LRPAP1: variants seen among roughly 807,000 people sequenced by gnomAD.
The protein encoded by LRPAP1 is LDL receptor related protein associated protein 1.
A neutral mutation model predicts 39.9 loss-of-function variants in LRPAP1; 41 were observed. That is an observed-to-expected ratio of 1.03 (90% CI 0.80 to 1.33). LRPAP1 has a LOEUF of 1.33. LRPAP1 is among the 40% of genes most tolerant of loss of function. The pLI, the probability that LRPAP1 is intolerant of heterozygous loss-of-function variation, is 0.00. For synonymous variants in LRPAP1, 263 were observed against 212.7 expected, an observed-to-expected ratio of 1.24 and a Z score of -2.06; for missense variants, 565 against 482.3, an observed-to-expected ratio of 1.17 and a Z score of -1.61.
rs78267021 is a variant in LRPAP1 at position 3,522,622 on chromosome 4, G to A, written c.349+2285C>T. 9.0e-4 allele frequency among the ~76,000 whole-genome samples: 69 copies of A among 77,078 alleles called. 17 individuals are homozygous for A. The highest frequency in any genetic ancestry group is 6.8e-3 in the Middle Eastern group (1 of 148). 50.6% of individuals were successfully genotyped at this position (77,078 alleles called of 152,430 possible). A position where few individuals can be genotyped will look rare whatever the true frequency, so the allele number is the denominator to read the frequency against. ...CCGCCCCACACCCCCTGCCTGGGGA[G>A]GACAGACGCCGCCCCACACCCCCTG... On this transcript the variant is annotated intron_variant, in intron 2 of 7. Transcript: ENST00000650182.
In LRPAP1 at chr4:3,504,669, G is replaced by A. The variant is rs1264110177; in HGVS notation, c.*8305C>T. ...CGAGGCTGAGGCAGGAGAATTTCTTGAACCCAGGAGGTGGAGGTTGCAGTG... is the reference window on the plus strand; with the variant it reads ...CGAGGCTGAGGCAGGAGAATTTCTTAAACCCAGGAGGTGGAGGTTGCAGTG... On this transcript the variant is annotated 3_prime_UTR_variant, in exon 8 of 8. Transcript: ENST00000650182. 6.9e-6 allele frequency among the ~76,000 whole-genome samples: 1 copy of A among 145,690 alleles called. No individual in the cohort carries two copies. Among genetic ancestry groups the A allele is most frequent in the African/African-American group, 2.5e-5 (1 of 39,708 alleles).
rs1729492282 is a variant in LRPAP1, at chr4:3,511,076, G to A, written c.*1898C>T. 1 of 152,318 alleles carries A rather than the reference G, an allele frequency of 6.6e-6. No individual in the cohort carries two copies. Among genetic ancestry groups the A allele is most frequent in the African/African-American group, 2.4e-5 (1 of 41,460 alleles). The allele number at this position is 152,318 out of a possible 1,614,324, so 9.4% of individuals were successfully genotyped here. On this transcript the variant is annotated 3_prime_UTR_variant, in exon 8 of 8. Coordinates refer to ENST00000650182, the MANE Select transcript of LRPAP1 (RefSeq NM_002337.4). Reference sequence around the variant, plus strand: ...GACACCACAAAACGCCAGCCAGGCTGTCCATAATTAAAAATACCGAGCACC... The same window carrying A: ...GACACCACAAAACGCCAGCCAGGCTATCCATAATTAAAAATACCGAGCACC...
At position 3,511,880 on chromosome 4, in the gene LRPAP1, G is replaced by T. The variant is rs925917782; in HGVS notation, c.*1094C>A. Reference sequence around the variant, plus strand: ...GAGCCTCTTCCAGGCTCAGACACGGGAAGGGAACCACGCTCGGAGCCGGAC... The same window carrying T: ...GAGCCTCTTCCAGGCTCAGACACGGTAAGGGAACCACGCTCGGAGCCGGAC... On this transcript the variant is annotated 3_prime_UTR_variant, in exon 8 of 8. Transcript: ENST00000650182. 1 of 131,942 alleles carries T rather than the reference G, an allele frequency of 7.6e-6. No homozygotes were observed. Among genetic ancestry groups the T allele is most frequent in the East Asian group, 2.2e-4 (1 of 4,496 alleles). The allele number at this position is 131,942 out of a possible 1,614,324, so 8.2% of individuals were successfully genotyped here. A position where few individuals can be genotyped will look rare whatever the true frequency, so the allele number is the denominator to read the frequency against.
rs561766057 is a variant in LRPAP1, at chr4:3,523,317, C to A, written c.349+1590G>T. On this transcript the variant is annotated intron_variant, in intron 2 of 7. Coordinates refer to ENST00000650182, the MANE Select transcript of LRPAP1 (RefSeq NM_002337.4). ...GCCCTTGGGAATGGCCCACTAGACACGCTGGTGGGGACGCAACCATCCAGA... is the reference window on the plus strand; with the variant it reads ...GCCCTTGGGAATGGCCCACTAGACAAGCTGGTGGGGACGCAACCATCCAGA... 5.4e-4 allele frequency among the ~76,000 whole-genome samples: 83 copies of A among 152,322 alleles called. 3 individuals carry two copies. The highest frequency in any genetic ancestry group is 3.4e-3 in the Middle Eastern group (1 of 294).
At chr4:3,522,203 G>A (rs1232791519) in intron 2 of LRPAP1, among the ~76,000 whole-genome samples, 2 of 152,344 alleles carry the variant, frequency 1.3e-5, no homozygotes, top group East Asian at 1.9e-4. Flanking sequence ...CCCTGAGCCC[G>A]AGAGGAGGAG....
chr4:3,529,852 C>T (rs896770351), intron 1 of LRPAP1, among the ~76,000 whole-genome samples: 13 of 152,330 alleles, frequency 8.5e-5, no homozygotes, highest in African/African-American at 2.4e-4. Flanking sequence ...CAGGATGTGG[C>T]TTTACATGCA....
At chr4:3,519,797 G>A (rs907092643) in intron 3 of LRPAP1, among the ~76,000 whole-genome samples, 2 of 152,214 alleles carry the variant, frequency 1.3e-5, no homozygotes, top group Non-Finnish European at 2.9e-5. Flanking sequence ...TCACCATCCC[G>A]TAACCACACG....
At chr4:3,531,880 G>C in intron 1 of LRPAP1, 1 of 398,380 alleles carries the variant, frequency 2.5e-6, no homozygotes, top group South Asian at 4.1e-5. Flanking sequence ...AGGCTCGGGA[G>C]GCAGGAGACC....
chr4:3,521,265 C>T (rs374936175), intron 2 of LRPAP1, among the ~76,000 whole-genome samples: 2 of 152,206 alleles, frequency 1.3e-5, no homozygotes, highest in East Asian at 1.9e-4. Context: ...GAGAGGGCCC[C>T]GAGTAGGCCT....
chr4:3,522,107 G>A (rs1008356454), intron 2 of LRPAP1, among the ~76,000 whole-genome samples: 1 of 152,264 alleles, frequency 6.6e-6, no homozygotes, highest in African/African-American at 2.4e-5. Flanking sequence ...GCCAGTGCCA[G>A]GCCTGCCTGT....
rs768968055 is a variant in LRPAP1 at position 3,518,178 on chromosome 4, C to T, written c.607G>A (p.Val203Ile). Residue 203 changes from valine to isoleucine, a missense_variant, in exon 5 of 8, where the codon GTC (valine) becomes ATC (isoleucine). Coordinates refer to ENST00000650182, the MANE Select transcript of LRPAP1 (RefSeq NM_002337.4). ...LSRTEEIHEN[V>I]ISPSDLSDIK... ...TCGCTCAGGTCCGAGGGGCTAATGA[C>T]GTTCTCGTGGATTTCTGTAAAACCG... 1.7e-5 allele frequency: 27 copies of T among 1,610,906 alleles called. 1 individual carries two copies. In the South Asian group the frequency reaches 2.2e-4, roughly 13 times the overall value.
In LRPAP1 at chr4:3,518,189, A is replaced by G; in HGVS notation, c.596T>C (p.Ile199Thr). 1 of 1,609,648 alleles carries G rather than the reference A, an allele frequency of 6.2e-7. No homozygotes were observed. Among genetic ancestry groups the G allele is most frequent in the South Asian group, 1.1e-5 (1 of 90,840 alleles). The change falls in exon 5 of 8, where the codon ATC becomes ACC. Residue 199 changes from isoleucine (I) to threonine (T), a missense_variant. Coordinates refer to ENST00000650182, the MANE Select transcript of LRPAP1 (RefSeq NM_002337.4). ...CGAGGGGCTAATGACGTTCTCGTGG[A>G]TTTCTGTAAAACCGAAGGCAGGACG... The part of the protein sequence containing the change: ...LLETLSRTEE[I>T]HENVISPSDL...
chr4:3,513,287 G>A (rs1435426580), intron 7 of LRPAP1, among the ~76,000 whole-genome samples: 2 of 152,142 alleles, frequency 1.3e-5, no homozygotes, highest in African/African-American at 2.4e-5. Flanking sequence ...GAAAGCTCAG[G>A]GTCTCTGTGA....
At chr4:3,523,922 GT>G (rs1224697857) in intron 2 of LRPAP1, among the ~76,000 whole-genome samples, 1 of 152,102 alleles carries the variant, frequency 6.6e-6, no homozygotes. Flanking sequence ...GGAAACGGAG[GT>G]GGGGGGCAGG....
intron 2 of LRPAP1, among the ~76,000 whole-genome samples, chr4:3,523,180 C>A (rs1729971139): frequency 6.6e-6 from 1 of 152,152 alleles, no homozygotes; most frequent in Non-Finnish European, 1.5e-5. Flanking sequence ...GGTTCTTAGC[C>A]CACTTCTGTG....
chr4:3,519,744 A>G (rs1341192717), intron 3 of LRPAP1, among the ~76,000 whole-genome samples: 3 of 152,204 alleles, frequency 2.0e-5, no homozygotes, highest in African/African-American at 4.8e-5. Flanking sequence ...CACTCACTAC[A>G]TTAAAAATCC....
chr4:3,529,330 A>C (rs541452616), intron 1 of LRPAP1, among the ~76,000 whole-genome samples: 20 of 151,224 alleles, frequency 1.3e-4, no homozygotes, highest in South Asian at 4.1e-4. Context: ...CTCAAAAAAA[A>C]CAAAAAAACA....
At chr4:3,513,572 G>A (rs1475987682) in intron 7 of LRPAP1, among the ~76,000 whole-genome samples, 1 of 152,156 alleles carries the variant, frequency 6.6e-6, no homozygotes, top group Non-Finnish European at 1.5e-5. Context: ...GCCTCCCAAA[G>A]TGCTGGGATT....
rs73080991 is a variant in LRPAP1, at chr4:3,505,394, A to T, written c.*7580T>A. Among the ~76,000 whole-genome samples, 37 of 152,352 alleles carry T rather than the reference A, an allele frequency of 2.4e-4. No homozygotes were observed. The highest frequency in any genetic ancestry group is 8.2e-4 in the African/African-American group (34 of 41,588). On this transcript the variant is annotated 3_prime_UTR_variant, in exon 8 of 8. Transcript: ENST00000650182. ...CAGGCTGCTGGCCCCATCGCTGGGA[A>T]GGAGTGGTTTGACCCCTCACCACTG...
Sources: allele counts gnomAD v4.1 joint callset (sites outside exome capture counted in the v4.1 genomes callset), GRCh38; gene constraint gnomAD v4.1.1; transcripts MANE v1.5; gene names NCBI Gene and HGNC (gene_info 2026-07-23, HGNC 2026-07-21).